WDR7: variants seen among roughly 807,000 people sequenced by gnomAD.
WDR7 encodes the protein WD repeat-containing protein 7.
Under a neutral mutation model 169.4 loss-of-function variants are expected in WDR7, and 46 were observed. The observed-to-expected ratio is 0.27, with a 90% CI of 0.21 to 0.35. WDR7 has a LOEUF of 0.35. WDR7 is among the 10% of genes least tolerant of loss of function. The probability of loss-of-function intolerance (pLI) is 1.00; values close to 1 mark genes in which losing one functional copy is unlikely to be tolerated. For synonymous variants in WDR7, 612 were observed against 666.8 expected, an observed-to-expected ratio of 0.92 and a Z score of 1.27; for missense variants, 1,534 against 1,859.3, an observed-to-expected ratio of 0.83 and a Z score of 3.22.
chr18:56,662,631 C>T (rs1282591132), intron 1 of WDR7, among the ~76,000 whole-genome samples: 1 of 152,100 alleles, frequency 6.6e-6, no homozygotes, highest in East Asian at 1.9e-4. Flanking sequence ...ACAACGTTCA[C>T]TTGAGGCAAA....
intron 13 of WDR7, among the ~76,000 whole-genome samples, chr18:56,727,019 C>T (rs2026472925): frequency 6.6e-6 from 1 of 152,136 alleles, no homozygotes; most frequent in Admixed American, 6.5e-5. Flanking sequence ...GTAGTCTATT[C>T]TGCAAACTCT....
intron 14 of WDR7, among the ~76,000 whole-genome samples, chr18:56,732,311 C>G (rs1161693858): frequency 6.6e-6 from 1 of 152,144 alleles, no homozygotes; most frequent in Non-Finnish European, 1.5e-5. Context: ...ATGGATAAAT[C>G]AAACCTAGAG....
In WDR7 at chr18:56,880,037, T is replaced by C. The variant is rs752661688; in HGVS notation, c.3398T>C (p.Ile1133Thr). ...QATAIVLLGV[I>T]GAEFGAEIEP... ...ACCGCTATTGTTTTACTTGGAGTAA[T>C]AGGAGCTGAATTTGGTGCTGAAATT... The change falls in exon 21 of 28, where the codon ATA becomes ACA. Residue 1133 changes from isoleucine (I) to threonine (T), a missense_variant. Ile to Thr is a moderately conservative substitution (Grantham distance 89). Coordinates refer to ENST00000254442, the MANE Select transcript of WDR7 (RefSeq NM_015285.3). 6.2e-7 allele frequency: 1 copy of C among 1,614,128 alleles called. No individual in the cohort carries two copies. Among genetic ancestry groups the C allele is most frequent in the Non-Finnish European group, 8.5e-7 (1 of 1,179,990 alleles).
At chr18:56,799,539 C>A (rs1462836342) in intron 19 of WDR7, among the ~76,000 whole-genome samples, 1 of 152,006 alleles carries the variant, frequency 6.6e-6, no homozygotes, top group African/African-American at 2.4e-5. Context: ...ACAACACTAA[C>A]ATATTTACAG....
At chr18:56,833,599 T>G (rs2045351901) in intron 20 of WDR7, among the ~76,000 whole-genome samples, 1 of 152,164 alleles carries the variant, frequency 6.6e-6, no homozygotes, top group East Asian at 1.9e-4. Context: ...TCAGTTAAAT[T>G]GTTGTATAAG....
intron 13 of WDR7, among the ~76,000 whole-genome samples, chr18:56,729,990 T>C (rs1429356065): frequency 2.0e-5 from 3 of 152,236 alleles, no homozygotes; most frequent in Non-Finnish European, 4.4e-5. Flanking sequence ...CAATTTCTTT[T>C]CTTGATTGTT....
chr18:56,859,556 G>A (rs374718892), intron 20 of WDR7, among the ~76,000 whole-genome samples: 5 of 151,920 alleles, frequency 3.3e-5, no homozygotes, highest in Middle Eastern at 3.2e-3. Context: ...CTATGTGTTC[G>A]CCTTCCTCCC....
Position 56,880,052 on chromosome 18 carries a change from G to A in WDR7, c.3413G>A (p.Gly1138Asp), listed in dbSNP as rs1040540744. 6.2e-7 allele frequency: 1 copy of A among 1,614,052 alleles called. No individual in the cohort carries two copies. The highest frequency in any genetic ancestry group is 8.5e-7 in the Non-Finnish European group (1 of 1,179,970). Reference protein sequence around the residue: ...VLLGVIGAEFGAEIEPPKLLT... With the variant: ...VLLGVIGAEFDAEIEPPKLLT... ...CTTGGAGTAATAGGAGCTGAATTTG[G>A]TGCTGAAATTGAACCTCCTAAACTA... The change falls in exon 21 of 28, where the codon GGT becomes GAT. Residue 1138 changes from glycine to aspartate, a missense_variant. Gly to Asp is a moderately conservative substitution (Grantham distance 94). Coordinates refer to ENST00000254442, the MANE Select transcript of WDR7 (RefSeq NM_015285.3).
At chr18:56,939,607 T>C (rs1459967480) in intron 25 of WDR7, among the ~76,000 whole-genome samples, 3 of 152,164 alleles carry the variant, frequency 2.0e-5, no homozygotes, top group Non-Finnish European at 4.4e-5. Context: ...GATATTTTGC[T>C]CAAACCTTAG....
At chr18:56,667,076 T>G (rs531204302) in intron 1 of WDR7, among the ~76,000 whole-genome samples, 1 of 152,300 alleles carries the variant, frequency 6.6e-6, no homozygotes, top group Admixed American at 6.5e-5. Context: ...TGGTATCATT[T>G]TATGAAAATA....
intron 1 of WDR7, among the ~76,000 whole-genome samples, chr18:56,666,640 A>C (rs911625709): frequency 6.6e-6 from 1 of 152,214 alleles, no homozygotes; most frequent in African/African-American, 2.4e-5. Context: ...GTTTTGGCAA[A>C]ATCTTGATTA....
intron 25 of WDR7, among the ~76,000 whole-genome samples, chr18:56,941,928 C>T (rs1026124196): frequency 1.3e-5 from 2 of 152,198 alleles, no homozygotes; most frequent in African/African-American, 2.4e-5. Context: ...GCCTAGTGCC[C>T]TGAGTCGCTG....
chr18:56,907,585 T>C (rs1030718516), intron 21 of WDR7, among the ~76,000 whole-genome samples: 1 of 152,210 alleles, frequency 6.6e-6, no homozygotes, highest in Non-Finnish European at 1.5e-5. Context: ...TTGTAATCTT[T>C]AGCTATTCTC....
chr18:56,782,215 G>T (rs2044327589), intron 19 of WDR7: 1 of 152,066 alleles, frequency 6.6e-6, no homozygotes. Flanking sequence ...CAAAATAAAA[G>T]CTTTATAATT....
chr18:56,757,694 G>T (rs952315927), intron 15 of WDR7, among the ~76,000 whole-genome samples: 4 of 152,130 alleles, frequency 2.6e-5, no homozygotes, highest in African/African-American at 9.7e-5. Flanking sequence ...ATTTGAGGCT[G>T]GGCATGGTAG....
intron 6 of WDR7, 79 bp downstream of exon 6, chr18:56,686,111 C>T: frequency 1.7e-6 from 2 of 1,182,196 alleles, no homozygotes; most frequent in Non-Finnish European, 2.3e-6. Flanking sequence ...ATGCCCCTTC[C>T]ATTTTTTTTA....
intron 23 of WDR7, among the ~76,000 whole-genome samples, chr18:56,936,958 A>G (rs2046968660): frequency 1.3e-5 from 2 of 152,136 alleles, no homozygotes; most frequent in Admixed American, 6.5e-5. Flanking sequence ...ATGAGCATAA[A>G]TGGCCAATTT....
At position 57,020,632 on chromosome 18, in the gene WDR7, A is replaced by G. The variant is rs980880968; in HGVS notation, c.4165-113A>G. ...AGCTGATTTTATAAACAAAGAAGAT[A>G]ACAGCATCTAATACCCATGACGTAA... On this transcript the variant is annotated intron_variant, in intron 26 of 27. Coordinates refer to ENST00000254442, the MANE Select transcript of WDR7 (RefSeq NM_015285.3). 4.4e-6 allele frequency: 4 copies of G among 906,040 alleles called. No individual in the cohort carries two copies. In the African/African-American group the frequency reaches 5.0e-5, roughly 11 times the overall value. 56.1% of individuals were successfully genotyped at this position (906,040 alleles called of 1,614,324 possible). A position where few individuals can be genotyped will look rare whatever the true frequency, so the allele number is the denominator to read the frequency against.
intron 25 of WDR7, among the ~76,000 whole-genome samples, chr18:56,959,681 G>A (rs937385014): frequency 2.6e-5 from 4 of 152,082 alleles, no homozygotes; most frequent in Admixed American, 6.6e-5. Flanking sequence ...TTTTCATCCC[G>A]TAGGAAAAAT....
Sources: gnomAD v4.1 joint callset for allele counts (sites outside exome capture counted in the v4.1 genomes callset) on GRCh38, gnomAD v4.1.1 for gene constraint, MANE v1.5 for transcripts, NCBI Gene and HGNC (gene_info 2026-07-23, HGNC 2026-07-21) for gene names.